Variants in ANGPT1 observed in about 807,000 individuals in gnomAD.
The protein encoded by ANGPT1 is angiopoietin-1.
ANGPT1 carries 17 observed loss-of-function variants against 62.2 expected under a neutral mutation model. The ratio of observed to expected loss-of-function variants is 0.27; its 90% CI spans 0.19 to 0.41. The LOEUF is 0.41. Ranked by LOEUF, ANGPT1 falls within the 10% of genes least tolerant of loss-of-function variation. The pLI, the probability that ANGPT1 is intolerant of heterozygous loss-of-function variation, is 1.00. For missense variants in ANGPT1, 478 were observed against 594.9 expected, an observed-to-expected ratio of 0.80 and a Z score of 2.04; for synonymous variants, 199 against 198.9, an observed-to-expected ratio of 1.00 and a Z score of 0.00.
chr8:107,430,446 T>A (rs1472207036), intron 1 of ANGPT1, among the ~76,000 whole-genome samples: 1 of 152,200 alleles, frequency 6.6e-6, no homozygotes, highest in East Asian at 1.9e-4. Flanking sequence ...GCAGAGTTCA[T>A]ACCTATTCAC....
intron 7 of ANGPT1, among the ~76,000 whole-genome samples, chr8:107,275,308 A>G (rs1586178740): frequency 6.6e-6 from 1 of 152,070 alleles, no homozygotes; most frequent in Non-Finnish European, 1.5e-5. Context: ...ATTGCTCATT[A>G]TTACCCCCTT....
chr8:107,290,589 C>T (rs1281400604), intron 6 of ANGPT1, among the ~76,000 whole-genome samples: 1 of 152,116 alleles, frequency 6.6e-6, no homozygotes, highest in Non-Finnish European at 1.5e-5. Flanking sequence ...ACACTGTCTA[C>T]CATGTGTTTT....
At chr8:107,272,075 T>C (rs1813749059) in intron 7 of ANGPT1, among the ~76,000 whole-genome samples, 1 of 152,026 alleles carries the variant, frequency 6.6e-6, no homozygotes, top group Non-Finnish European at 1.5e-5. Context: ...TTGTGCATAA[T>C]AATTTTACCA....
intron 1 of ANGPT1, among the ~76,000 whole-genome samples, chr8:107,361,556 TATATTATATATCAATATA>T (rs1816165260): frequency 3.8e-5 from 1 of 26,336 alleles, no homozygotes; most frequent in African/African-American, 1.0e-4. Flanking sequence ...AATATATGTA[TATATTATATATCAATATA>T]GAATATATGT....
intron 1 of ANGPT1, among the ~76,000 whole-genome samples, chr8:107,391,496 G>A (rs569343543): frequency 5.3e-5 from 8 of 152,138 alleles, no homozygotes; most frequent in African/African-American, 1.7e-4. Context: ...GTGAAACCCC[G>A]TCTATACTGA....
Position 107,257,589 on chromosome 8 carries a change from C to T in ANGPT1, c.1337-5574G>A, listed in dbSNP as rs75764018. 8.2e-3 allele frequency among the ~76,000 whole-genome samples: 1,243 copies of T among 152,284 alleles called. 18 individuals carry two copies. The highest frequency in any genetic ancestry group is 0.028 in the African/African-American group (1,164 of 41,562). ...AGATTTCTTTTGTTCGTTTTCAATG[C>T]ATGCATTCTAATCAGCAGTATGCAA... is the stretch of plus-strand genomic sequence containing the variant. On this transcript the variant is annotated intron_variant, in intron 8 of 8. Coordinates refer to ENST00000517746, the MANE Select transcript of ANGPT1 (RefSeq NM_001146.5).
chr8:107,465,920 T>C (rs1183621283), intron 1 of ANGPT1, among the ~76,000 whole-genome samples: 2 of 152,164 alleles, frequency 1.3e-5, no homozygotes, highest in East Asian at 3.9e-4. Flanking sequence ...TGCTAGGAGG[T>C]GCAGTTCTAG....
chr8:107,492,344 T>C (rs903457038), intron 1 of ANGPT1, among the ~76,000 whole-genome samples: 1 of 152,212 alleles, frequency 6.6e-6, no homozygotes, highest in African/African-American at 2.4e-5. Flanking sequence ...ATATCTACTT[T>C]ATTTTTTTTG....
chr8:107,305,775 A>G (rs2129989618), intron 4 of ANGPT1, among the ~76,000 whole-genome samples: 1 of 152,220 alleles, frequency 6.6e-6, no homozygotes, highest in South Asian at 2.1e-4. Flanking sequence ...TTCTTTCAAA[A>G]AAGTCATTCT....
intron 1 of ANGPT1, among the ~76,000 whole-genome samples, chr8:107,463,105 AG>A (rs764738549): frequency 9.9e-5 from 15 of 152,134 alleles, no homozygotes; most frequent in Non-Finnish European, 4.4e-5. Context: ...TGGTTTCAAA[AG>A]GTATTTCTTT....
chr8:107,345,407 A>G (rs1479638775), intron 2 of ANGPT1, among the ~76,000 whole-genome samples: 1 of 152,146 alleles, frequency 6.6e-6, no homozygotes, highest in Non-Finnish European at 1.5e-5. Context: ...TTAACGTGCT[A>G]ACAATGGGAC....
At chr8:107,259,428 G>C (rs531817188) in intron 8 of ANGPT1, among the ~76,000 whole-genome samples, 4 of 152,078 alleles carry the variant, frequency 2.6e-5, no homozygotes, top group African/African-American at 9.7e-5. Context: ...AGAAATTTAC[G>C]TGTATGGCTT....
In ANGPT1 at chr8:107,276,611, G is replaced by C. The variant is rs540209008; in HGVS notation, c.1205+8071C>G. ...GTCCTTGAAATACATACACGGCATG[G>C]GAGTACTTTAATGATTTAAAAAAAA... On this transcript the variant is annotated intron_variant, in intron 7 of 8. Transcript: ENST00000517746. Among the ~76,000 whole-genome samples, 19 of 130,498 alleles carry C rather than the reference G, an allele frequency of 1.5e-4. No homozygotes were observed. In the South Asian group the frequency reaches 5.2e-3, roughly 36 times the overall value. The allele number at this position is 130,498 out of a possible 152,430, so 85.6% of individuals were successfully genotyped here.
chr8:107,431,524 C>T (rs1428772972), intron 1 of ANGPT1, among the ~76,000 whole-genome samples: 1 of 152,190 alleles, frequency 6.6e-6, no homozygotes, highest in Non-Finnish European at 1.5e-5. Context: ...GGTCCCGGAG[C>T]CTTGCACAGG....
chr8:107,455,264 A>G (rs1811890191), intron 1 of ANGPT1, among the ~76,000 whole-genome samples: 1 of 152,100 alleles, frequency 6.6e-6, no homozygotes, highest in Non-Finnish European at 1.5e-5. Context: ...TTACTTATAA[A>G]TAATGTTTGA....
rs549037757 is a variant in ANGPT1, at chr8:107,441,882, G to A, written c.297+55380C>T. On this transcript the variant is annotated intron_variant, in intron 1 of 8. Coordinates refer to ENST00000517746, the MANE Select transcript of ANGPT1 (RefSeq NM_001146.5). Reference sequence around the variant, plus strand: ...GGGTAGATCACGAGGTCAGGAGTTCGAGACCAGCCTGACCAACATAGTGAA... The same window carrying A: ...GGGTAGATCACGAGGTCAGGAGTTCAAGACCAGCCTGACCAACATAGTGAA... Among the ~76,000 whole-genome samples, 3 of 152,082 alleles carry A rather than the reference G, an allele frequency of 2.0e-5. No individual in the cohort carries two copies. In the South Asian group the frequency reaches 6.2e-4, roughly 32 times the overall value.
At chr8:107,488,439 C>T (rs62514486) in intron 1 of ANGPT1, among the ~76,000 whole-genome samples, 8,023 of 152,220 alleles carry the variant, frequency 0.053, 242 homozygotes, top group South Asian at 0.11. Context: ...GGCCTCACTC[C>T]ACTTCTTCTG....
intron 1 of ANGPT1, among the ~76,000 whole-genome samples, chr8:107,418,500 G>A (rs1253059015): frequency 6.6e-6 from 1 of 152,164 alleles, no homozygotes; most frequent in East Asian, 1.9e-4. Context: ...GATATGATGA[G>A]ACATGCAGCT....
chr8:107,332,553 A>G (rs1304958602), intron 3 of ANGPT1, among the ~76,000 whole-genome samples: 2 of 152,276 alleles, frequency 1.3e-5, no homozygotes, highest in East Asian at 3.9e-4. Context: ...CAATCCTACA[A>G]GTGATGCATT....
Sources: allele counts gnomAD v4.1 joint callset (sites outside exome capture counted in the v4.1 genomes callset), GRCh38; gene constraint gnomAD v4.1.1; transcripts MANE v1.5; gene names NCBI Gene and HGNC (gene_info 2026-07-23, HGNC 2026-07-21).